Variants in RNF216 observed in about 807,000 individuals in gnomAD.
RNF216 encodes the protein E3 ubiquitin-protein ligase RNF216.
RNF216 carries 72 observed loss-of-function variants against 110.8 expected under a neutral mutation model. That is an observed-to-expected ratio of 0.65 (90% CI 0.54 to 0.79). The LOEUF (loss-of-function observed/expected upper bound fraction) is 0.79. Ranked by LOEUF, RNF216 falls within the 30% of genes least tolerant of loss-of-function variation. The pLI, the probability that RNF216 is intolerant of heterozygous loss-of-function variation, is 0.00. For synonymous variants in RNF216, 495 were observed against 407.5 expected (o/e 1.21, Z -2.59); for missense variants, 1,342 against 1,141.2 (o/e 1.18, Z -2.54).
chr7:5,665,730 T>C (rs1362871946), intron 13 of RNF216, among the ~76,000 whole-genome samples: 1 of 152,184 alleles, frequency 6.6e-6, no homozygotes, highest in Non-Finnish European at 1.5e-5. Flanking sequence ...ATCTTTATCA[T>C]AGTAACTACA....
intron 5 of RNF216, among the ~76,000 whole-genome samples, chr7:5,733,935 G>A (rs1460217266): frequency 6.6e-6 from 1 of 152,180 alleles, no homozygotes; most frequent in Middle Eastern, 3.2e-3. Flanking sequence ...TGTAGTCATT[G>A]CTGCTCAATT....
At position 5,741,182 on chromosome 7, in the gene RNF216, G is replaced by A; in HGVS notation, c.835C>T (p.Pro279Ser). The change falls in exon 4 of 17, where the codon CCC becomes TCC. Residue 279 changes from proline (P) to serine (S), a missense_variant. Coordinates refer to ENST00000389902, the MANE Select transcript of RNF216 (RefSeq NM_207111.4). The part of the protein sequence containing the change: ...FPGPAFPRPE[P>S]QQGGISGPSS... ...GGGCCTGAAATCCCACCTTGCTGGGGTTCCGGCCTTGGAAAAGCGGGCCCT... is the reference window on the plus strand; with the variant it reads ...GGGCCTGAAATCCCACCTTGCTGGGATTCCGGCCTTGGAAAAGCGGGCCCT... The A allele has an allele frequency of 6.2e-7, 1 of 1,614,132 alleles. No individual in the cohort carries two copies. The highest frequency in any genetic ancestry group is 8.5e-7 in the Non-Finnish European group (1 of 1,180,024).
At chr7:5,752,689 C>A (rs144610324) in intron 3 of RNF216, among the ~76,000 whole-genome samples, 157 bp downstream of exon 3, 2 of 152,250 alleles carry the variant, frequency 1.3e-5, no homozygotes, top group East Asian at 3.9e-4. Context: ...AAACATACAG[C>A]TTCTAAATCT....
At chr7:5,709,100 T>C (rs1792492957) in intron 13 of RNF216, among the ~76,000 whole-genome samples, 1 of 151,934 alleles carries the variant, frequency 6.6e-6, no homozygotes, top group African/African-American at 2.4e-5. Flanking sequence ...TCCAACTCCT[T>C]CCCTCCCGAG....
At position 5,624,287 on chromosome 7, in the gene RNF216, C is replaced by T. The variant is rs1444478622; in HGVS notation, c.2383-162G>A. 6.6e-6 allele frequency among the ~76,000 whole-genome samples: 1 copy of T among 152,224 alleles called. No homozygotes were observed. The highest frequency in any genetic ancestry group is 2.4e-5 in the African/African-American group (1 of 41,452). ...CTGCACACCGTTCCTTCCTATTTCCCCGAAGGCCTCCTTCCTTCATCAGCC... is the reference window on the plus strand; with the variant it reads ...CTGCACACCGTTCCTTCCTATTTCCTCGAAGGCCTCCTTCCTTCATCAGCC... On this transcript the variant is annotated intron_variant, in intron 15 of 16. Coordinates refer to ENST00000389902, the MANE Select transcript of RNF216 (RefSeq NM_207111.4). This position sits in a 1 kb window ranked among gnomAD's most constrained non-coding sequence, Gnocchi z 4.4.
intron 13 of RNF216, among the ~76,000 whole-genome samples, chr7:5,685,967 A>C (rs2128609213): frequency 6.6e-6 from 1 of 152,280 alleles, no homozygotes. Context: ...TCACACCTGT[A>C]ATCCCAGCAG....
At chr7:5,653,415 G>A (rs1788519252) in intron 13 of RNF216, among the ~76,000 whole-genome samples, 2 of 151,644 alleles carry the variant, frequency 1.3e-5, no homozygotes, top group Admixed American at 6.6e-5. Flanking sequence ...TGGCTAACAC[G>A]GTGAAACCCT....
At chr7:5,673,874 T>A (rs953176444) in intron 13 of RNF216, among the ~76,000 whole-genome samples, 12 of 150,050 alleles carry the variant, frequency 8.0e-5, no homozygotes, top group Non-Finnish European at 1.3e-4. Context: ...TTTTTTTTTT[T>A]TTTTGAGACA....
chr7:5,740,946 A>C (rs895894245), intron 4 of RNF216, 27 bp downstream of exon 4: 41 of 1,557,838 alleles, frequency 2.6e-5, no homozygotes, highest in Non-Finnish European at 3.2e-5. Flanking sequence ...TGTAGTGTCT[A>C]CATTTACTTG....
At chr7:5,662,892 G>A (rs1789239740) in intron 13 of RNF216, among the ~76,000 whole-genome samples, 1 of 152,040 alleles carries the variant, frequency 6.6e-6, no homozygotes, top group Non-Finnish European at 1.5e-5. Context: ...TGGTAGAGAA[G>A]CGTTCCAGGT....
At chr7:5,715,248 T>A in intron 10 of RNF216, 58 bp from the exon 11 acceptor site, 1 of 1,545,664 alleles carries the variant, frequency 6.5e-7, no homozygotes, top group Non-Finnish European at 8.8e-7. Context: ...AGGGGGAGCC[T>A]TGTCTCCCAT....
intron 8 of RNF216, among the ~76,000 whole-genome samples, chr7:5,722,817 T>C (rs902627700): frequency 6.6e-6 from 1 of 151,532 alleles, no homozygotes; most frequent in Non-Finnish European, 1.5e-5. Flanking sequence ...AGGTTAGGAG[T>C]TCGAGACCAA....
At chr7:5,647,642 A>G (rs1174356446) in intron 14 of RNF216, among the ~76,000 whole-genome samples, 1 of 151,298 alleles carries the variant, frequency 6.6e-6, no homozygotes, top group Non-Finnish European at 1.5e-5. Context: ...CCTATACTTA[A>G]TCTCTCCCAC....
intron 5 of RNF216, among the ~76,000 whole-genome samples, chr7:5,736,356 G>A (rs533399969): frequency 6.6e-6 from 1 of 152,328 alleles, no homozygotes; most frequent in East Asian, 1.9e-4. Context: ...TCCTAACCGG[G>A]ACTGATCTGC....
At chr7:5,657,343 G>A (rs1466753743) in intron 13 of RNF216, among the ~76,000 whole-genome samples, 2 of 152,168 alleles carry the variant, frequency 1.3e-5, no homozygotes, top group Admixed American at 1.3e-4. Flanking sequence ...GGAGGCAGGT[G>A]GATCACCTGA....
At position 5,641,052 on chromosome 7, in the gene RNF216, T is replaced by C; in HGVS notation, c.2382+102A>G. 4 of 929,380 alleles carry C rather than the reference T, an allele frequency of 4.3e-6. No homozygotes were observed. In the South Asian group the frequency reaches 5.2e-5, roughly 12 times the overall value. The allele number at this position is 929,380 out of a possible 1,614,324, so 57.6% of individuals were successfully genotyped here. A position where few individuals can be genotyped will look rare whatever the true frequency, so the allele number is the denominator to read the frequency against. ...CAGTCTATGTAATTTCCTATATTCT[T>C]CTCCTAAGTCAAATTTTGTTACGTA... On this transcript the variant is annotated intron_variant, in intron 15 of 16. Transcript: ENST00000389902.
intron 13 of RNF216, among the ~76,000 whole-genome samples, chr7:5,686,551 G>A (rs1249403641): frequency 6.6e-6 from 1 of 152,204 alleles, no homozygotes; most frequent in East Asian, 1.9e-4. Flanking sequence ...AGCCAAATCT[G>A]TACAATGCAC....
chr7:5,769,116 A>C (rs1796359818), intron 1 of RNF216, among the ~76,000 whole-genome samples: 1 of 123,578 alleles, frequency 8.1e-6, no homozygotes, highest in Non-Finnish European at 1.6e-5. Flanking sequence ...TACAGTTCCA[A>C]ATGCCTTTTT....
At chr7:5,704,081 C>T (rs1212519644) in intron 13 of RNF216, among the ~76,000 whole-genome samples, 1 of 152,182 alleles carries the variant, frequency 6.6e-6, no homozygotes, top group Non-Finnish European at 1.5e-5. Context: ...GAGCTGAGAG[C>T]CTTGACAAAA....
Sources: allele counts gnomAD v4.1 joint callset (sites outside exome capture counted in the v4.1 genomes callset), GRCh38; gene constraint gnomAD v4.1.1; non-coding constraint Gnocchi (gnomAD v3.1); transcripts MANE v1.5; gene names NCBI Gene and HGNC (gene_info 2026-07-23, HGNC 2026-07-21).